HPCAL1: variants seen among roughly 807,000 people sequenced by gnomAD.
HPCAL1 encodes hippocalcin like 1, also known as hippocalcin-like protein 1.
In HPCAL1, 8 loss-of-function variants were observed where a neutral mutation model predicts 17.1. That is an observed-to-expected ratio of 0.47 (90% CI 0.27 to 0.84). HPCAL1 has a LOEUF of 0.84. Ranked by LOEUF, HPCAL1 falls within the 40% of genes least tolerant of loss-of-function variation. HPCAL1 has a pLI of 0.13. For synonymous variants in HPCAL1, 112 were observed against 111.4 expected (o/e 1.01, Z -0.03); for missense variants, 165 against 271.1 (o/e 0.61, Z 2.75).
At chr2:10,403,592 T>C (rs1317585894) in intron 2 of HPCAL1, among the ~76,000 whole-genome samples, 1 of 152,036 alleles carries the variant, frequency 6.6e-6, no homozygotes, top group African/African-American at 2.4e-5. Context: ...CAAATGAGTC[T>C]CCTGCCTCAG....
intron 1 of HPCAL1, among the ~76,000 whole-genome samples, chr2:10,333,484 C>A (rs1403795449): frequency 6.6e-6 from 1 of 152,168 alleles, no homozygotes; most frequent in Admixed American, 6.5e-5. Context: ...GTAGCCCAAG[C>A]CAGCCTAAGC....
chr2:10,337,661 C>G (rs577911065), intron 1 of HPCAL1, among the ~76,000 whole-genome samples: 1 of 152,166 alleles, frequency 6.6e-6, no homozygotes, highest in Non-Finnish European at 1.5e-5. Context: ...GGGGATGAGG[C>G]GTAGACCCTG....
intron 1 of HPCAL1, among the ~76,000 whole-genome samples, chr2:10,312,598 T>A (rs1379870239): frequency 6.1e-5 from 9 of 147,884 alleles, no homozygotes; most frequent in Non-Finnish European, 7.4e-5. Context: ...ACTGTCATCA[T>A]CATCACCATC....
intron 2 of HPCAL1, among the ~76,000 whole-genome samples, chr2:10,405,930 ATTCACATGGTTGT>A (rs1342955983): frequency 1.3e-5 from 2 of 152,182 alleles, no homozygotes; most frequent in African/African-American, 4.8e-5. Context: ...ACGTTGGGTG[ATTCACATGGTTGT>A]TTCAGCTTTT....
intron 2 of HPCAL1, among the ~76,000 whole-genome samples, chr2:10,403,810 A>G (rs1248541863): frequency 6.6e-6 from 1 of 151,908 alleles, no homozygotes; most frequent in Non-Finnish European, 1.5e-5. Context: ...CGTTCATTAC[A>G]AACGCCCACT....
rs915907308 is a variant in HPCAL1, at chr2:10,367,316, T to C, written c.-110-29519T>C. 1.3e-5 allele frequency among the ~76,000 whole-genome samples: 2 copies of C among 151,670 alleles called. No individual in the cohort carries two copies. Among genetic ancestry groups the C allele is most frequent in the Non-Finnish European group, 2.9e-5 (2 of 67,966 alleles). On this transcript the variant is annotated intron_variant, in intron 1 of 4. Transcript: ENST00000307845. The surrounding 1 kb of genome is among the most constrained non-coding windows in gnomAD (Gnocchi z 4.4). ...TTGTTGTTGTTGTTTTGAGACAGAG[T>C]CTTGCTCTGTCACCCAGGCTAGAGT...
At chr2:10,406,690 C>T (rs950386776) in intron 2 of HPCAL1, among the ~76,000 whole-genome samples, 115 of 152,368 alleles carry the variant, frequency 7.5e-4, no homozygotes, top group Admixed American at 2.7e-3. Context: ...GGCCCTGGCA[C>T]GGGTGCTGCG....
intron 1 of HPCAL1, among the ~76,000 whole-genome samples, chr2:10,311,639 G>A (rs1043596073): frequency 6.6e-6 from 1 of 152,108 alleles, no homozygotes; most frequent in African/African-American, 2.4e-5. Flanking sequence ...GTAGAGCACA[G>A]GTAAGGAATT....
rs759159226 is a variant in HPCAL1 at position 10,343,993 on chromosome 2, C to T, written c.-111+40816C>T. ...GCTTCAGACCCGGCAGGAGTACCGGCGGCTGTGTGGTGCATCCTGCACAGA... is the reference window on the plus strand; with the variant it reads ...GCTTCAGACCCGGCAGGAGTACCGGTGGCTGTGTGGTGCATCCTGCACAGA... On this transcript the variant is annotated intron_variant, in intron 1 of 4. Coordinates refer to ENST00000307845, the MANE Select transcript of HPCAL1 (RefSeq NM_002149.4). The surrounding 1 kb of genome is among the most constrained non-coding windows in gnomAD (Gnocchi z 4.8). Among the ~76,000 whole-genome samples the T allele has an allele frequency of 4.6e-5, 7 of 152,150 alleles. No homozygotes were observed. The highest frequency in any genetic ancestry group is 3.3e-4 in the Admixed American group (5 of 15,278).
In HPCAL1 at chr2:10,309,700, G is replaced by A. The variant is rs141596383; in HGVS notation, c.-111+6523G>A. On this transcript the variant is annotated intron_variant, in intron 1 of 4. Coordinates refer to ENST00000307845, the MANE Select transcript of HPCAL1 (RefSeq NM_002149.4). Reference sequence around the variant, plus strand: ...TAAATAGAAGGGGCTGGGGGAGGGCGTTGAATGCAGTGGTGCTGTGGCCTT... The same window carrying A: ...TAAATAGAAGGGGCTGGGGGAGGGCATTGAATGCAGTGGTGCTGTGGCCTT... 2.1e-3 allele frequency among the ~76,000 whole-genome samples: 319 copies of A among 152,286 alleles called. 1 individual carries two copies. The highest frequency in any genetic ancestry group is 6.8e-3 in the Middle Eastern group (2 of 294).
Position 10,419,741 on chromosome 2 carries a change from C to A in HPCAL1, c.-17C>A, listed in dbSNP as rs376171717. On this transcript the variant is annotated 5_prime_UTR_variant, in exon 3 of 5. Coordinates refer to ENST00000307845, the MANE Select transcript of HPCAL1 (RefSeq NM_002149.4). The surrounding 1 kb of genome is among the most constrained non-coding windows in gnomAD (Gnocchi z 5.0). ...TGACCCCCTGTCTTGCAGGTGTAGT[C>A]GCCGCCGCCAGCCGCCATGGGCAAA... The A allele has an allele frequency of 3.8e-5, 60 of 1,596,284 alleles. No homozygotes were observed. The highest frequency in any genetic ancestry group is 4.9e-5 in the Non-Finnish European group (57 of 1,170,468).
rs1669296749 is a variant in HPCAL1 at position 10,399,246 on chromosome 2, A to ACCG, written c.-25+2328_-25+2329insGCC. On this transcript the variant is annotated intron_variant, in intron 2 of 4. Transcript: ENST00000307845. ...CACCACCACCACCACCACCATCACC[A>ACCG]CCACCACCACCACCATCACCACCAC... 1.8e-4 allele frequency among the ~76,000 whole-genome samples: 24 copies of ACCG among 136,972 alleles called. 1 individual carries two copies. Among genetic ancestry groups the ACCG allele is most frequent in the African/African-American group, 7.5e-4 (24 of 32,070 alleles). 89.9% of individuals were successfully genotyped at this position (136,972 alleles called of 152,430 possible).
chr2:10,339,843 T>C (rs760666724), intron 1 of HPCAL1, among the ~76,000 whole-genome samples: 2 of 152,168 alleles, frequency 1.3e-5, no homozygotes, highest in African/African-American at 2.4e-5. Flanking sequence ...GGCCCCAGGC[T>C]TGTGGGCCTC....
intron 1 of HPCAL1, among the ~76,000 whole-genome samples, chr2:10,360,783 C>G (rs1666473259): frequency 6.6e-6 from 1 of 151,986 alleles, no homozygotes; most frequent in African/African-American, 2.4e-5. Flanking sequence ...CCTGGTGAGG[C>G]CTCAGCCCTG....
Position 10,399,747 on chromosome 2 carries a change from C to T in HPCAL1, c.-25+2827C>T, listed in dbSNP as rs369829501. On this transcript the variant is annotated intron_variant, in intron 2 of 4. Transcript: ENST00000307845. The stretch of plus-strand genomic sequence containing the variant: ...TGGCCCTTGGTCATGTACAGCAGGC[C>T]GCTCCCCGGGCAGTGGAGAAGCAGC... 1.2e-4 allele frequency among the ~76,000 whole-genome samples: 18 copies of T among 152,256 alleles called. 1 individual carries two copies. The South Asian group carries it at 2.3e-3, about 19-fold the overall frequency.
chr2:10,327,619 A>AT (rs1482990043), intron 1 of HPCAL1, among the ~76,000 whole-genome samples: 2 of 152,242 alleles, frequency 1.3e-5, no homozygotes, highest in African/African-American at 4.8e-5. Context: ...TAGTTCCTTT[A>AT]TTTTGTTAAC....
rs1415068301 is a variant in HPCAL1, at chr2:10,304,551, A to G, written c.-111+1374A>G. 6.6e-6 allele frequency among the ~76,000 whole-genome samples: 1 copy of G among 152,102 alleles called. No homozygotes were observed. Among genetic ancestry groups the G allele is most frequent in the Admixed American group, 6.5e-5 (1 of 15,276 alleles). Reference sequence around the variant, plus strand: ...CCTCATGCCGGGGGTGCCACATGGGACACCTCCTCCTAGTCCCACACCTTA... The same window carrying G: ...CCTCATGCCGGGGGTGCCACATGGGGCACCTCCTCCTAGTCCCACACCTTA... On this transcript the variant is annotated intron_variant, in intron 1 of 4. Transcript: ENST00000307845. This position sits in a 1 kb window ranked among gnomAD's most constrained non-coding sequence, Gnocchi z 4.1.
chr2:10,388,923 CATTAGTG>C (rs1031264189), intron 1 of HPCAL1, among the ~76,000 whole-genome samples: 58 of 152,090 alleles, frequency 3.8e-4, no homozygotes, highest in Non-Finnish European at 5.9e-5. Flanking sequence ...GTAATTTGGT[CATTAGTG>C]CCCTTATAGG....
intron 2 of HPCAL1, among the ~76,000 whole-genome samples, chr2:10,411,094 T>C (rs1670326475): frequency 1.3e-5 from 2 of 152,154 alleles, no homozygotes; most frequent in African/African-American, 4.8e-5. Context: ...GGCCGTCACC[T>C]TCATTTGGCA....
Sources: gnomAD v4.1 joint callset for allele counts (sites outside exome capture counted in the v4.1 genomes callset) on GRCh38, gnomAD v4.1.1 for gene constraint, Gnocchi (gnomAD v3.1) non-coding constraint, MANE v1.5 for transcripts, NCBI Gene and HGNC (gene_info 2026-07-23, HGNC 2026-07-21) for gene names.